COL11A2: variants seen among roughly 807,000 people sequenced by gnomAD.
COL11A2 encodes the protein collagen alpha-2(XI) chain.
Under a neutral mutation model 273.4 loss-of-function variants are expected in COL11A2, and 116 were observed. The ratio of observed to expected loss-of-function variants is 0.42; its 90% CI spans 0.36 to 0.49. COL11A2 has a LOEUF of 0.49. Among genes scored for constraint, COL11A2 ranks in the 20% least tolerant of loss-of-function variants. The pLI, the probability that COL11A2 is intolerant of heterozygous loss-of-function variation, is 0.00. For missense variants in COL11A2, 1,866 were observed against 2,309.0 expected (o/e 0.81, Z 3.93); for synonymous variants, 782 against 864.2 (o/e 0.90, Z 1.67).
In COL11A2 at chr6:33,178,097, G is replaced by A. The variant is rs1344890334; in HGVS notation, c.1872+35C>T. On this transcript the variant is annotated intron_variant, in intron 21 of 65. Coordinates refer to ENST00000341947, the MANE Select transcript of COL11A2 (RefSeq NM_080680.3). The surrounding 1 kb of genome is among the most constrained non-coding windows in gnomAD (Gnocchi z 4.6). The stretch of plus-strand genomic sequence containing the variant: ...GGTGGAGAGTTGGAGAGGTCAAGGG[G>A]TCACCTCAGGGTCAGAAGTCAGGGA... The A allele has an allele frequency of 7.5e-6, 12 of 1,596,084 alleles. No individual in the cohort carries two copies. The highest frequency in any genetic ancestry group is 1.0e-5 in the Non-Finnish European group (12 of 1,168,772).
Position 33,166,593 on chromosome 6 carries a change from T to C in COL11A2, c.4339-27A>G. 1.2e-6 allele frequency: 2 copies of C among 1,613,504 alleles called. No homozygotes were observed. The highest frequency in any genetic ancestry group is 1.7e-6 in the Non-Finnish European group (2 of 1,179,752). ...TAGGAAGGGTAGTGGCTGGTTCAAC[T>C]GGGTCCTCCTCCCACACCCTCCTGA... On this transcript the variant is annotated intron_variant, in intron 59 of 65. Transcript: ENST00000341947. The surrounding 1 kb of genome is among the most constrained non-coding windows in gnomAD (Gnocchi z 4.8).
chr6:33,172,024 T>C (rs971861505), intron 41 of COL11A2, 26 bp downstream of exon 41: 1 of 1,611,230 alleles, frequency 6.2e-7, no homozygotes. Context: ...GGGTCCTTCC[T>C]ACCACTTCCG....
rs192671818 is a variant in COL11A2, at chr6:33,166,061, C to A, written c.4429-77G>T. On this transcript the variant is annotated intron_variant, in intron 61 of 65. Transcript: ENST00000341947. This position sits in a 1 kb window ranked among gnomAD's most constrained non-coding sequence, Gnocchi z 4.8. ...CAAGGTCACAGAAAGATCAAATCAG[C>A]CTCCTGGCTGGAATAAGGGGCTCCT... is the stretch of plus-strand genomic sequence containing the variant. 4.1e-3 allele frequency: 6,577 copies of A among 1,608,686 alleles called. 277 individuals carry two copies. The South Asian group carries it at 0.064, about 16-fold the overall frequency.
At position 33,189,287 on chromosome 6, in the gene COL11A2, C is replaced by T. The variant is rs185117025; in HGVS notation, c.232+33G>A. 3.1e-6 allele frequency: 5 copies of T among 1,613,868 alleles called. No individual in the cohort carries two copies. Among genetic ancestry groups the T allele is most frequent in the Non-Finnish European group, 4.2e-6 (5 of 1,179,898 alleles). ...GATCCTAGGCCCCATCCCATTACCT[C>T]CCCCCAGGCCTACCCCACCATGTCA... On this transcript the variant is annotated intron_variant, in intron 2 of 65. Coordinates refer to ENST00000341947, the MANE Select transcript of COL11A2 (RefSeq NM_080680.3). The surrounding 1 kb of genome is among the most constrained non-coding windows in gnomAD (Gnocchi z 5.6).
At position 33,170,068 on chromosome 6, in the gene COL11A2, G is replaced by T. The variant is rs141967872; in HGVS notation, c.3615C>A (p.Asn1205Lys). Residue 1205 changes from asparagine to lysine, a missense_variant, in exon 49 of 66, where the codon AAC becomes AAA. By Grantham distance (94) the Asn-to-Lys change is moderately conservative. Coordinates refer to ENST00000341947, the MANE Select transcript of COL11A2 (RefSeq NM_080680.3). The surrounding 1 kb of genome is among the most constrained non-coding windows in gnomAD (Gnocchi z 4.3). The part of the protein sequence containing the change: ...GPQGPPGGVG[N>K]LGPPGEKGEP... ...TTACCTTCTCTCCAGGGGGACCCAG[G>T]TTCCCAACACCTCCTGGGGGACCTT... 1,342 of 1,613,062 alleles carry T rather than the reference G, an allele frequency of 8.3e-4. 11 individuals carry two copies. In the African/African-American group the frequency reaches 0.017, roughly 20 times the overall value.
At chr6:33,172,829 C>T (rs530693069) in intron 38 of COL11A2, among the ~76,000 whole-genome samples, 192 bp from the exon 39 acceptor site, 18 of 152,166 alleles carry the variant, frequency 1.2e-4, no homozygotes, top group Non-Finnish European at 2.5e-4. Flanking sequence ...AACTACACCA[C>T]CTTGTGTCTC....
chr6:33,166,704 C>A lies in COL11A2; in HGVS notation c.4338+16G>T. ...TCTCAACCCCCACAACTTCCGGGAC[C>A]ATGCCCTCTACTCACCATCTCACCC... On this transcript the variant is annotated intron_variant, in intron 59 of 65. Transcript: ENST00000341947. This position sits in a 1 kb window ranked among gnomAD's most constrained non-coding sequence, Gnocchi z 4.8. The A allele has an allele frequency of 6.2e-7, 1 of 1,613,834 alleles. No individual in the cohort carries two copies. The highest frequency in any genetic ancestry group is 2.2e-5 in the East Asian group (1 of 44,868).
Position 33,179,525 on chromosome 6 carries a change from C to G in COL11A2, c.1447-38G>C, listed in dbSNP as rs1375891704. On this transcript the variant is annotated intron_variant, in intron 13 of 65. Transcript: ENST00000341947. This position sits in a 1 kb window ranked among gnomAD's most constrained non-coding sequence, Gnocchi z 6.4. Reference sequence around the variant, plus strand: ...GGGGACAGCAGAGCTGAGGGACAGGCAGTGGGAACCCCCAGCCCCAGCACT... The same window carrying G: ...GGGGACAGCAGAGCTGAGGGACAGGGAGTGGGAACCCCCAGCCCCAGCACT... 5 of 1,532,282 alleles carry G rather than the reference C, an allele frequency of 3.3e-6. No individual in the cohort carries two copies. Among genetic ancestry groups the G allele is most frequent in the Non-Finnish European group, 4.4e-6 (5 of 1,129,302 alleles). The allele number at this position is 1,532,282 out of a possible 1,614,324, so 94.9% of individuals were successfully genotyped here.
At position 33,170,822 on chromosome 6, in the gene COL11A2, G is replaced by A; in HGVS notation, c.3462C>T (p.Pro1154=). Residue 1154 remains proline, a synonymous_variant, in exon 46 of 66, where the codon CCC becomes CCT. Transcript: ENST00000341947. The surrounding 1 kb of genome is among the most constrained non-coding windows in gnomAD (Gnocchi z 4.3). The stretch of plus-strand genomic sequence containing the variant: ...TCCCCCAACACACCTGTAGGCCAAT[G>A]GGTCCTGGGGGCCCATTGAATCCTC... The part of the protein sequence containing the change: ...GTRGFNGPPG[P]IGLQGLPGPS... 1 of 1,611,936 alleles carries A rather than the reference G, an allele frequency of 6.2e-7. No individual in the cohort carries two copies. Among genetic ancestry groups the A allele is most frequent in the Non-Finnish European group, 8.5e-7 (1 of 1,179,614 alleles).
At chr6:33,185,931 A>T (rs1206959514) in intron 5 of COL11A2, among the ~76,000 whole-genome samples, 153 bp from the exon 6 acceptor site, 1 of 149,108 alleles carries the variant, frequency 6.7e-6, no homozygotes, top group African/African-American at 2.5e-5. Context: ...ATGAAAGGAG[A>T]GGTTGAGGGT....
At position 33,163,825 on chromosome 6, in the gene COL11A2, G is replaced by T; in HGVS notation, c.5071-7C>A. On this transcript the variant is annotated splice_polypyrimidine_tract_variant and splice_region_variant and intron_variant, in intron 65 of 65. Coordinates refer to ENST00000341947, the MANE Select transcript of COL11A2 (RefSeq NM_080680.3). This position sits in a 1 kb window ranked among gnomAD's most constrained non-coding sequence, Gnocchi z 4.1. ...CCGTCCGGCCTTGCTGTGTCTTCAG[G>T]GGGAGACAAGGAAGAAAGTGTGAGC... The T allele has an allele frequency of 6.2e-7, 1 of 1,612,908 alleles. No homozygotes were observed. The highest frequency in any genetic ancestry group is 8.5e-7 in the Non-Finnish European group (1 of 1,179,920).
At position 33,170,460 on chromosome 6, in the gene COL11A2, G is replaced by A; in HGVS notation, c.3529-81C>T. On this transcript the variant is annotated intron_variant, in intron 47 of 65. Transcript: ENST00000341947. The surrounding 1 kb of genome is among the most constrained non-coding windows in gnomAD (Gnocchi z 4.3). ...AATGGTGGAGAGAGGAGGAGGAGCA[G>A]CCAGGCCAGGGAGTTGGCAGTGGGG... is the stretch of plus-strand genomic sequence containing the variant. 1.3e-6 allele frequency: 2 copies of A among 1,539,522 alleles called. No homozygotes were observed. The highest frequency in any genetic ancestry group is 1.8e-6 in the Non-Finnish European group (2 of 1,129,094).
rs755108811 is a variant in COL11A2 at position 33,171,170 on chromosome 6, G to A, written c.3313-3C>T. The A allele has an allele frequency of 1.4e-5, 22 of 1,608,790 alleles. No homozygotes were observed. In the South Asian group the frequency reaches 1.7e-4, roughly 12 times the overall value. Reference sequence around the variant, plus strand: ...GGTCCAGGGGGTCCAGGAGGGCCCTGGGTAAGAGAAGAGAGTCAGAGACAC... The same window carrying A: ...GGTCCAGGGGGTCCAGGAGGGCCCTAGGTAAGAGAAGAGAGTCAGAGACAC... On this transcript the variant is annotated splice_region_variant and splice_polypyrimidine_tract_variant and intron_variant, in intron 44 of 65. Coordinates refer to ENST00000341947, the MANE Select transcript of COL11A2 (RefSeq NM_080680.3).
chr6:33,179,608 C>T lies in COL11A2; in HGVS notation c.1446+111G>A. ...TCCACTGCCCAGGATTCTCCCCAAC[C>T]TCCCTGTTAACCCCAAACCAACCCA... On this transcript the variant is annotated intron_variant, in intron 13 of 65. Coordinates refer to ENST00000341947, the MANE Select transcript of COL11A2 (RefSeq NM_080680.3). This position sits in a 1 kb window ranked among gnomAD's most constrained non-coding sequence, Gnocchi z 6.4. 6.8e-7 allele frequency: 1 copy of T among 1,468,716 alleles called. No individual in the cohort carries two copies. 91.0% of individuals were successfully genotyped at this position (1,468,716 alleles called of 1,614,324 possible).
chr6:33,186,823 A>C lies in COL11A2; in HGVS notation c.607-5T>G. 6.2e-7 allele frequency: 1 copy of C among 1,614,000 alleles called. No individual in the cohort carries two copies. Among genetic ancestry groups the C allele is most frequent in the Non-Finnish European group, 8.5e-7 (1 of 1,180,030 alleles). On this transcript the variant is annotated splice_region_variant and splice_polypyrimidine_tract_variant and intron_variant, in intron 4 of 65. Transcript: ENST00000341947. Reference sequence around the variant, plus strand: ...GGCCAGCTCCTGGACATCACCCTGCAAAGACATGAGAGAGATGGAGCGGAG... The same window carrying C: ...GGCCAGCTCCTGGACATCACCCTGCCAAGACATGAGAGAGATGGAGCGGAG...
chr6:33,168,815 C>G, intron 52 of COL11A2, 56 bp from the exon 53 acceptor site: 1 of 1,602,060 alleles, frequency 6.2e-7, no homozygotes, highest in Non-Finnish European at 8.5e-7. Context: ...GCATCACCTC[C>G]AAAACTGTCA....
intron 8 of COL11A2, among the ~76,000 whole-genome samples, chr6:33,183,182 G>A (rs182334104): frequency 6.6e-6 from 1 of 152,278 alleles, no homozygotes; most frequent in East Asian, 1.9e-4. Context: ...ACAACTAAGG[G>A]ACACAGAACA....
chr6:33,173,472 G>T lies in COL11A2; in HGVS notation c.2682+30C>A, dbSNP rs779751279. ...GTAGGGAAGAAGGACTCAGAGAAGC[G>T]AGGTGGGTCAGAGCTCGGGGTCAAC... On this transcript the variant is annotated intron_variant, in intron 36 of 65. Transcript: ENST00000341947. The surrounding 1 kb of genome is among the most constrained non-coding windows in gnomAD (Gnocchi z 6.3). 1.2e-6 allele frequency: 2 copies of T among 1,612,238 alleles called. No individual in the cohort carries two copies. Among genetic ancestry groups the T allele is most frequent in the Non-Finnish European group, 1.7e-6 (2 of 1,179,308 alleles).
Position 33,188,402 on chromosome 6 carries a change from A to G in COL11A2, c.566T>C (p.Ile189Thr). The G allele has an allele frequency of 1.2e-6, 2 of 1,613,050 alleles. No individual in the cohort carries two copies. The highest frequency in any genetic ancestry group is 1.1e-5 in the South Asian group (1 of 91,080). Reference sequence around the variant, plus strand: ...ATCCAGAATACGGGCACCAAAGATGATCACTCCATGGGTGTCCAATACTGG... The same window carrying G: ...ATCCAGAATACGGGCACCAAAGATGGTCACTCCATGGGTGTCCAATACTGG... ...ARPVLDTHGV[I>T]IFGARILDEE... The change falls in exon 4 of 66, where the codon ATC becomes ACC. Residue 189 changes from isoleucine (I) to threonine (T), a missense_variant. Ile to Thr is a moderately conservative substitution (Grantham distance 89). Transcript: ENST00000341947.
Sources: gnomAD v4.1 joint callset for allele counts (sites outside exome capture counted in the v4.1 genomes callset) on GRCh38, gnomAD v4.1.1 for gene constraint, Gnocchi (gnomAD v3.1) non-coding constraint, MANE v1.5 for transcripts, NCBI Gene and HGNC (gene_info 2026-07-23, HGNC 2026-07-21) for gene names.